The following GNAT3 variants were observed in gnomAD, a reference collection of about 807,000 sequenced individuals.
GNAT3 encodes the protein G protein subunit alpha transducin 3.
GNAT3 carries 31 observed loss-of-function variants against 37.7 expected under a neutral mutation model. That is an observed-to-expected ratio of 0.82 (90% CI 0.62 to 1.11). GNAT3 has a LOEUF of 1.11. Ranked by LOEUF, GNAT3 falls within the 50% of genes most tolerant of loss-of-function variation. The probability of loss-of-function intolerance (pLI) is 0.00; values close to 1 mark genes in which losing one functional copy is unlikely to be tolerated. For missense variants in GNAT3, 437 were observed against 412.5 expected (o/e 1.06, Z -0.51); for synonymous variants, 138 against 139.8 (o/e 0.99, Z 0.09).
chr7:80,474,594 C>A (rs1291576856), intron 4 of GNAT3, among the ~76,000 whole-genome samples: 1 of 152,118 alleles, frequency 6.6e-6, no homozygotes, highest in Non-Finnish European at 1.5e-5. Context: ...CCAAACTATG[C>A]TCATCGAATT....
chr7:80,497,509 A>G (rs773556890), intron 1 of GNAT3, among the ~76,000 whole-genome samples: 3 of 151,578 alleles, frequency 2.0e-5, no homozygotes, highest in African/African-American at 2.4e-5. Context: ...ATGACAGAAT[A>G]TCAGAATATC....
chr7:80,508,451 C>A (rs185901017), intron 1 of GNAT3, among the ~76,000 whole-genome samples: 2 of 151,924 alleles, frequency 1.3e-5, no homozygotes, highest in African/African-American at 4.8e-5. Context: ...AACTTTAAAA[C>A]GTACTTAGAT....
chr7:80,468,705 C>A (rs1790162404), intron 5 of GNAT3, among the ~76,000 whole-genome samples: 1 of 151,990 alleles, frequency 6.6e-6, no homozygotes, highest in Admixed American at 6.6e-5. Flanking sequence ...GAAGGATGTG[C>A]ACAGATGTCT....
At chr7:80,476,036 G>A (rs1029052291) in intron 4 of GNAT3, among the ~76,000 whole-genome samples, 2 of 151,982 alleles carry the variant, frequency 1.3e-5, no homozygotes, top group African/African-American at 2.4e-5. Context: ...AAGTCTGCAT[G>A]TGTGGTAGGT....
rs149710036 is a variant in GNAT3 at position 80,495,465 on chromosome 7, GGTTT to G, written c.119-822_119-819del. ...GTCTCTCACTGTAGTTTTTTTTTTT[GGTTT>G]GTTTGTTTTTGTTTTTTTTGAGATC... On this transcript the variant is annotated intron_variant, in intron 1 of 7. Coordinates refer to ENST00000398291, the MANE Select transcript of GNAT3 (RefSeq NM_001102386.3). Among the ~76,000 whole-genome samples, 987 of 144,120 alleles carry G rather than the reference GGTTT, an allele frequency of 6.8e-3. 8 individuals carry two copies. Among genetic ancestry groups the G allele is most frequent in the East Asian group, 0.04 (196 of 4,958 alleles). 94.5% of individuals were successfully genotyped at this position (144,120 alleles called of 152,430 possible).
At chr7:80,492,158 C>T (rs940663861) in intron 2 of GNAT3, among the ~76,000 whole-genome samples, 5 of 138,492 alleles carry the variant, frequency 3.6e-5, no homozygotes, top group Non-Finnish European at 7.7e-5. Flanking sequence ...GGTGAAACCC[C>T]AACTCTACTA....
intron 4 of GNAT3, among the ~76,000 whole-genome samples, chr7:80,476,988 T>C (rs907049013): frequency 5.2e-4 from 79 of 152,252 alleles, no homozygotes; most frequent in African/African-American, 1.7e-3. Context: ...TGAAAACTAT[T>C]ACAATATGGG....
chr7:80,479,798 TG>T (rs142778655), intron 3 of GNAT3, among the ~76,000 whole-genome samples: 7,892 of 151,742 alleles, frequency 0.052, 220 homozygotes, highest in East Asian at 0.1. Flanking sequence ...TAATATATAA[TG>T]TTTTTTTGTC....
chr7:80,478,527 CA>C (rs1425702793), intron 4 of GNAT3, among the ~76,000 whole-genome samples: 2 of 152,178 alleles, frequency 1.3e-5, no homozygotes, highest in East Asian at 3.9e-4. Flanking sequence ...TGCATGTCAC[CA>C]GTCTGTGTTA....
intron 3 of GNAT3, among the ~76,000 whole-genome samples, chr7:80,485,637 A>G (rs993025444): frequency 6.6e-5 from 10 of 152,168 alleles, no homozygotes; most frequent in Admixed American, 1.3e-4. Context: ...CCGGTGTCCA[A>G]CTAAATGTCT....
intron 2 of GNAT3, among the ~76,000 whole-genome samples, chr7:80,492,822 T>G (rs1280407561): frequency 2.0e-5 from 3 of 151,566 alleles, no homozygotes; most frequent in Admixed American, 1.3e-4. Context: ...ATCTCATTAT[T>G]ATTGGGTAAT....
intron 5 of GNAT3, among the ~76,000 whole-genome samples, chr7:80,472,720 G>C (rs978430320): frequency 6.6e-6 from 1 of 152,090 alleles, no homozygotes; most frequent in Non-Finnish European, 1.5e-5. Context: ...CTAGGACACA[G>C]AGAGTTCTAC....
chr7:80,491,868 T>G (rs933912929), intron 2 of GNAT3, among the ~76,000 whole-genome samples: 1 of 152,154 alleles, frequency 6.6e-6, no homozygotes, highest in South Asian at 2.1e-4. Flanking sequence ...ACTTGCTCTT[T>G]TTAAATAATA....
At chr7:80,473,247 C>A (rs915718412) in intron 5 of GNAT3, among the ~76,000 whole-genome samples, 2 of 152,006 alleles carry the variant, frequency 1.3e-5, no homozygotes, top group Non-Finnish European at 2.9e-5. Flanking sequence ...TATTTGTGGG[C>A]CTAAAATTTA....
At position 80,493,980 on chromosome 7, in the gene GNAT3, T is replaced by G. The variant is rs1011540730; in HGVS notation, c.161+625A>C. Among the ~76,000 whole-genome samples, 77 of 152,170 alleles carry G rather than the reference T, an allele frequency of 5.1e-4. 1 individual carries two copies. Among genetic ancestry groups the G allele is most frequent in the Admixed American group, 5.0e-3 (77 of 15,260 alleles). Reference sequence around the variant, plus strand: ...CTTCTGTTTCTTCTGCTTCTTCTTTTACTTCTTTTTAGCCACAATTATCCT... The same window carrying G: ...CTTCTGTTTCTTCTGCTTCTTCTTTGACTTCTTTTTAGCCACAATTATCCT... On this transcript the variant is annotated intron_variant, in intron 2 of 7. Transcript: ENST00000398291.
chr7:80,484,584 A>T (rs1790445512), intron 3 of GNAT3, among the ~76,000 whole-genome samples: 1 of 152,114 alleles, frequency 6.6e-6, no homozygotes, highest in Admixed American at 6.6e-5. Context: ...AGTTGAGTGG[A>T]TTCTATATGC....
intron 5 of GNAT3, among the ~76,000 whole-genome samples, chr7:80,464,248 G>A (rs1275355172): frequency 6.6e-6 from 1 of 151,734 alleles, no homozygotes; most frequent in African/African-American, 2.4e-5. Flanking sequence ...AAGTGTAGGG[G>A]GTGGGTTGTC....
chr7:80,475,763 C>T (rs1009755852), intron 4 of GNAT3, among the ~76,000 whole-genome samples: 1 of 151,944 alleles, frequency 6.6e-6, no homozygotes, highest in African/African-American at 2.4e-5. Flanking sequence ...GATCTTTTTC[C>T]TTTTAAGCTG....
chr7:80,507,615 T>C (rs911749295), intron 1 of GNAT3, among the ~76,000 whole-genome samples: 3 of 151,998 alleles, frequency 2.0e-5, no homozygotes, highest in Admixed American at 2.0e-4. Context: ...ACAAAACGCA[T>C]TACAGTTGAT....
Sources: gnomAD v4.1 joint callset for allele counts (sites outside exome capture counted in the v4.1 genomes callset) on GRCh38, gnomAD v4.1.1 for gene constraint, MANE v1.5 for transcripts, NCBI Gene and HGNC (gene_info 2026-07-23, HGNC 2026-07-21) for gene names.